The following TSNARE1 variants were observed in gnomAD, a reference collection of about 807,000 sequenced individuals.
TSNARE1 encodes the protein t-SNARE domain containing 1.
In TSNARE1, 49 loss-of-function variants were observed where a neutral mutation model predicts 62.0. That is an observed-to-expected ratio of 0.79 (90% CI 0.63 to 1.00). TSNARE1 has a LOEUF of 1.00. TSNARE1 is among the 50% of genes least tolerant of loss of function. The pLI, the probability that TSNARE1 is intolerant of heterozygous loss-of-function variation, is 0.00. For missense variants in TSNARE1, 755 were observed against 700.1 expected, an observed-to-expected ratio of 1.08 and a Z score of -0.88; for synonymous variants, 328 against 294.4, an observed-to-expected ratio of 1.11 and a Z score of -1.17.
intron 12 of TSNARE1, chr8:142,271,833 G>A (rs1196645799): frequency 1.4e-5 from 7 of 508,368 alleles, no homozygotes; most frequent in Non-Finnish European, 2.2e-5. Flanking sequence ...GTCTGCAGTG[G>A]GAGTTGCACC....
chr8:142,258,671 G>A (rs1818711771), intron 12 of TSNARE1, among the ~76,000 whole-genome samples: 1 of 152,002 alleles, frequency 6.6e-6, no homozygotes, highest in Admixed American at 6.6e-5. Flanking sequence ...TTGTATTAGA[G>A]ACAGGGTTTT....
At chr8:142,383,494 G>A (rs549571842) in intron 1 of TSNARE1, among the ~76,000 whole-genome samples, 16 of 152,276 alleles carry the variant, frequency 1.1e-4, no homozygotes, top group African/African-American at 3.6e-4. Context: ...GGCGCTGTCC[G>A]TGGTGCTGAG....
intron 7 of TSNARE1, among the ~76,000 whole-genome samples, chr8:142,318,339 C>T (rs1360749599): frequency 1.2e-4 from 18 of 152,224 alleles, no homozygotes; most frequent in Admixed American, 3.9e-4. Flanking sequence ...GCTCCCGGCA[C>T]GTGGTCAGCA....
At chr8:142,339,667 G>C (rs970728418) in intron 4 of TSNARE1, among the ~76,000 whole-genome samples, 1 of 152,236 alleles carries the variant, frequency 6.6e-6, no homozygotes, top group Admixed American at 6.5e-5. Flanking sequence ...CTTTGTGCCA[G>C]CAGCCATGAG....
intron 9 of TSNARE1, among the ~76,000 whole-genome samples, 172 bp downstream of exon 9, chr8:142,314,211 TG>T: frequency 6.6e-6 from 1 of 152,260 alleles, no homozygotes; most frequent in Non-Finnish European, 1.5e-5. Flanking sequence ...TGTCAGGCAC[TG>T]TGCCAGGGCC....
intron 10 of TSNARE1, among the ~76,000 whole-genome samples, chr8:142,286,992 A>G (rs1437506523): frequency 6.6e-6 from 1 of 152,222 alleles, no homozygotes; most frequent in African/African-American, 2.4e-5. Context: ...AGTCACTGAG[A>G]GGGTTAGTGA....
At chr8:142,259,796 C>T (rs766660891) in intron 12 of TSNARE1, among the ~76,000 whole-genome samples, 3 of 152,168 alleles carry the variant, frequency 2.0e-5, no homozygotes, top group African/African-American at 7.2e-5. Flanking sequence ...ATTAGAATAC[C>T]GAGTTGCTAA....
At chr8:142,367,675 T>C (rs188859963) in intron 1 of TSNARE1, among the ~76,000 whole-genome samples, 2 of 152,206 alleles carry the variant, frequency 1.3e-5, no homozygotes, top group South Asian at 2.1e-4. Context: ...CGGTGAACTT[T>C]AGGATATGTG....
At chr8:142,404,409 T>G (rs1361750422), upstream of TSNARE1, 2 of 152,330 alleles carry the variant, frequency 1.3e-5, no homozygotes, top group East Asian at 3.8e-4. Context: ...GGCACAAGTG[T>G]GTGCCCAGGC....
intron 12 of TSNARE1, among the ~76,000 whole-genome samples, chr8:142,235,261 G>C (rs1817348304): frequency 6.6e-6 from 1 of 152,092 alleles, no homozygotes; most frequent in African/African-American, 2.4e-5. Flanking sequence ...AGAAGGACGT[G>C]ACTCACCCAG....
At chr8:142,279,561 A>G (rs1821061828) in intron 11 of TSNARE1, among the ~76,000 whole-genome samples, 1 of 152,146 alleles carries the variant, frequency 6.6e-6, no homozygotes, top group Non-Finnish European at 1.5e-5. Context: ...GAGGTGGCGT[A>G]TATGGTCGAG....
intron 4 of TSNARE1, among the ~76,000 whole-genome samples, chr8:142,342,753 T>A (rs1326621611): frequency 6.9e-6 from 1 of 145,636 alleles, no homozygotes; most frequent in Non-Finnish European, 1.5e-5. Context: ...CAGGCAACTG[T>A]CCCAGCACCT....
intron 12 of TSNARE1, among the ~76,000 whole-genome samples, chr8:142,255,515 T>C (rs149776359): frequency 1.0e-3 from 10 of 9,816 alleles, no homozygotes; most frequent in Non-Finnish European, 2.2e-3. Context: ...ACTGTCACCA[T>C]CACCACCACC....
chr8:142,274,331 A>T, intron 12 of TSNARE1: 1 of 985,384 alleles, frequency 1.0e-6, no homozygotes, highest in Non-Finnish European at 1.2e-6. Flanking sequence ...AGGTAGCTCC[A>T]AGTCCCACTT....
intron 12 of TSNARE1, among the ~76,000 whole-genome samples, chr8:142,239,718 C>T (rs1035562258): frequency 5.3e-5 from 8 of 152,142 alleles, no homozygotes; most frequent in South Asian, 4.1e-4. Flanking sequence ...TAGCGAGTCA[C>T]GTTAAATACG....
intron 12 of TSNARE1, chr8:142,270,858 C>G (rs1465773067): frequency 1.0e-6 from 1 of 985,398 alleles, no homozygotes; most frequent in Non-Finnish European, 1.2e-6. Flanking sequence ...CACAGGTCGG[C>G]TCTCTGCAGC....
At chr8:142,328,078 G>T (rs1830508147) in intron 6 of TSNARE1, among the ~76,000 whole-genome samples, 2 of 148,500 alleles carry the variant, frequency 1.3e-5, no homozygotes, top group South Asian at 4.3e-4. Flanking sequence ...GGTCCTCTGT[G>T]CCACTGTGGA....
At chr8:142,224,720 G>A (rs1047219711) in intron 13 of TSNARE1, among the ~76,000 whole-genome samples, 1 of 58,684 alleles carries the variant, frequency 1.7e-5, no homozygotes, top group African/African-American at 6.0e-5. Context: ...GAGCCAGGGA[G>A]GGGTGCTCTG....
At chr8:142,230,374 C>T (rs775066835) in intron 12 of TSNARE1, among the ~76,000 whole-genome samples, 1 of 152,176 alleles carries the variant, frequency 6.6e-6, no homozygotes, top group African/African-American at 2.4e-5. Flanking sequence ...TGGGATGAGA[C>T]AGTCCTGCAA....
Sources: gnomAD v4.1 joint callset for allele counts (sites outside exome capture counted in the v4.1 genomes callset) on GRCh38, gnomAD v4.1.1 for gene constraint, MANE v1.5 for transcripts, NCBI Gene and HGNC (gene_info 2026-07-23, HGNC 2026-07-21) for gene names.